The following NRG3 variants were observed in gnomAD, a reference collection of about 807,000 sequenced individuals.
The protein encoded by NRG3 is pro-neuregulin-3, membrane-bound isoform.
In NRG3, 31 loss-of-function variants were observed where a neutral mutation model predicts 66.9. That is an observed-to-expected ratio of 0.46 (90% CI 0.35 to 0.63). The LOEUF is 0.63. Among genes scored for constraint, NRG3 ranks in the 20% least tolerant of loss-of-function variants. The probability of loss-of-function intolerance (pLI) is 0.00; values close to 1 mark genes in which losing one functional copy is unlikely to be tolerated. For synonymous variants in NRG3, 393 were observed against 359.4 expected (o/e 1.09, Z -1.06); for missense variants, 910 against 878.9 (o/e 1.04, Z -0.45).
Position 81,950,271 on chromosome 10 carries a change from A to C in NRG3, c.823+74108A>C, listed in dbSNP as rs182142930. Among the ~76,000 whole-genome samples the C allele has an allele frequency of 2.8e-3, 420 of 152,278 alleles. 2 individuals are homozygous for C. Among genetic ancestry groups the C allele is most frequent in the African/African-American group, 9.6e-3 (399 of 41,554 alleles). ...ATGAAAGTTGGTCTCAATTTAGTCAAACCTGGGTTTCAGGGGATATAGCTC... is the reference window on the plus strand; with the variant it reads ...ATGAAAGTTGGTCTCAATTTAGTCACACCTGGGTTTCAGGGGATATAGCTC... On this transcript the variant is annotated intron_variant, in intron 1 of 8. Transcript: ENST00000372141.
Position 82,985,628 on chromosome 10 carries a change from A to C in NRG3, c.*23A>C, listed in dbSNP as rs1323450363. On this transcript the variant is annotated 3_prime_UTR_variant, in exon 9 of 9. Coordinates refer to ENST00000372141, the MANE Select transcript of NRG3 (RefSeq NM_001010848.4). ...TGACTTGAGATGTAGGAATCTGTGC[A>C]TTCTATGCTTTGCTCAACAGGAAAG... is the stretch of plus-strand genomic sequence containing the variant. The C allele has an allele frequency of 6.3e-7, 1 of 1,589,372 alleles. No individual in the cohort carries two copies. The highest frequency in any genetic ancestry group is 8.5e-7 in the Non-Finnish European group (1 of 1,172,800).
intron 2 of NRG3, among the ~76,000 whole-genome samples, chr10:82,408,639 AT>A (rs2087811572): frequency 2.0e-5 from 3 of 147,916 alleles, no homozygotes; most frequent in African/African-American, 7.4e-5. Flanking sequence ...TATATTATAT[AT>A]ATATATATAT....
chr10:82,218,227 G>T (rs1470427317), intron 1 of NRG3, among the ~76,000 whole-genome samples: 2 of 152,064 alleles, frequency 1.3e-5, no homozygotes, highest in Non-Finnish European at 1.5e-5. Context: ...AAGAATTTAG[G>T]TTATGTCCCA....
intron 4 of NRG3, among the ~76,000 whole-genome samples, chr10:82,937,856 G>A (rs572588669): frequency 6.6e-6 from 1 of 152,260 alleles, no homozygotes; most frequent in East Asian, 1.9e-4. Context: ...CTTAGAATCT[G>A]TAAGGAGGCA....
intron 1 of NRG3, among the ~76,000 whole-genome samples, chr10:82,350,054 A>G (rs554150274): frequency 3.3e-5 from 5 of 152,330 alleles, no homozygotes; most frequent in South Asian, 4.1e-4. Context: ...GCTGTAGACC[A>G]GGGCTGTTCC....
At chr10:82,011,123 G>A (rs1215967076) in intron 1 of NRG3, among the ~76,000 whole-genome samples, 1 of 152,114 alleles carries the variant, frequency 6.6e-6, no homozygotes, top group Non-Finnish European at 1.5e-5. Flanking sequence ...CCTGAGACTG[G>A]GTTATTTATA....
chr10:82,493,123 T>C (rs1590335956), intron 2 of NRG3, among the ~76,000 whole-genome samples: 1 of 152,072 alleles, frequency 6.6e-6, no homozygotes, highest in Admixed American at 6.5e-5. Context: ...TTTTTTTAAT[T>C]TCAATTTTTA....
intron 1 of NRG3, among the ~76,000 whole-genome samples, chr10:82,120,186 G>C (rs1167217356): frequency 6.6e-6 from 1 of 152,034 alleles, no homozygotes; most frequent in Non-Finnish European, 1.5e-5. Context: ...CAGAAAGTCC[G>C]AGCCGTTTCT....
intron 2 of NRG3, among the ~76,000 whole-genome samples, chr10:82,557,891 C>T (rs571664659): frequency 5.7e-4 from 87 of 152,144 alleles, no homozygotes; most frequent in African/African-American, 2.0e-3. Context: ...GGCTTTGCAC[C>T]CAGAAGGTTT....
intron 3 of NRG3, among the ~76,000 whole-genome samples, chr10:82,787,100 C>A (rs2060400941): frequency 1.3e-5 from 2 of 152,318 alleles, no homozygotes; most frequent in Middle Eastern, 3.4e-3. Context: ...TAGACACATG[C>A]ACACACACCT....
At chr10:82,372,348 C>T (rs2084942065) in intron 2 of NRG3, among the ~76,000 whole-genome samples, 1 of 152,120 alleles carries the variant, frequency 6.6e-6, no homozygotes, top group African/African-American at 2.4e-5. Flanking sequence ...CCAGATGGTT[C>T]TCACAAACAT....
chr10:81,968,815 T>C (rs146752133), intron 1 of NRG3, among the ~76,000 whole-genome samples: 2,155 of 152,320 alleles, frequency 0.014, 27 homozygotes, highest in Non-Finnish European at 0.02. Context: ...CTCAGGTTTC[T>C]GTTTACCCAC....
At chr10:82,704,667 A>G (rs1256316092) in intron 2 of NRG3, among the ~76,000 whole-genome samples, 1 of 152,206 alleles carries the variant, frequency 6.6e-6, no homozygotes, top group African/African-American at 2.4e-5. Flanking sequence ...TTTCATATCA[A>G]GTAAAAATGT....
chr10:82,852,415 C>T (rs1418490283), intron 3 of NRG3, among the ~76,000 whole-genome samples: 1 of 151,918 alleles, frequency 6.6e-6, no homozygotes, highest in Non-Finnish European at 1.5e-5. Flanking sequence ...ACCTATGTAA[C>T]AAGCTTGCAC....
chr10:82,556,287 C>T (rs1487380055), intron 2 of NRG3, among the ~76,000 whole-genome samples: 4 of 152,098 alleles, frequency 2.6e-5, no homozygotes, highest in East Asian at 1.9e-4. Context: ...TTATCTCATT[C>T]CTTCCCAGGG....
At chr10:82,494,284 T>C (rs1354985501) in intron 2 of NRG3, among the ~76,000 whole-genome samples, 1 of 152,222 alleles carries the variant, frequency 6.6e-6, no homozygotes, top group Non-Finnish European at 1.5e-5. Flanking sequence ...TTTTATCTTC[T>C]GTTGACTTCT....
At chr10:82,181,838 T>C (rs2073441083) in intron 1 of NRG3, among the ~76,000 whole-genome samples, 1 of 151,860 alleles carries the variant, frequency 6.6e-6, no homozygotes, top group African/African-American at 2.4e-5. Flanking sequence ...CTGGCCATTA[T>C]TGAAAGTGGG....
Position 82,146,078 on chromosome 10 carries a change from G to A in NRG3, c.824-212661G>A, listed in dbSNP as rs527466102. Among the ~76,000 whole-genome samples the A allele has an allele frequency of 2.6e-5, 4 of 152,278 alleles. No individual in the cohort carries two copies. The East Asian group carries it at 7.7e-4, about 29-fold the overall frequency. On this transcript the variant is annotated intron_variant, in intron 1 of 8. Coordinates refer to ENST00000372141, the MANE Select transcript of NRG3 (RefSeq NM_001010848.4). ...CACCTCACATCTTGACATAAGGCATGTATCAAGCTGTTTATGACAGCATCT... is the reference window on the plus strand; with the variant it reads ...CACCTCACATCTTGACATAAGGCATATATCAAGCTGTTTATGACAGCATCT...
intron 4 of NRG3, among the ~76,000 whole-genome samples, chr10:82,949,811 C>T (rs139475225): frequency 0.016 from 2,461 of 151,872 alleles, 28 homozygotes; most frequent in Non-Finnish European, 0.025. Context: ...GCTGGGATCA[C>T]GCCACTGCAC....
Sources: allele counts gnomAD v4.1 joint callset (sites outside exome capture counted in the v4.1 genomes callset), GRCh38; gene constraint gnomAD v4.1.1; transcripts MANE v1.5; gene names NCBI Gene and HGNC (gene_info 2026-07-23, HGNC 2026-07-21).